Variants in MBNL1 observed in about 807,000 individuals in gnomAD.
MBNL1 encodes the protein muscleblind-like protein 1.
In MBNL1, 8 loss-of-function variants were observed where a neutral mutation model predicts 42.2. That is an observed-to-expected ratio of 0.19 (90% confidence interval 0.11 to 0.34). The LOEUF (loss-of-function observed/expected upper bound fraction) is 0.34, where lower values mean the gene tolerates loss of function less well. Among genes scored for constraint, MBNL1 ranks in the 10% least tolerant of loss-of-function variants. The probability of loss-of-function intolerance (pLI) is 1.00; values close to 1 mark genes in which losing one functional copy is unlikely to be tolerated. For synonymous variants in MBNL1, 169 were observed against 173.9 expected, an observed-to-expected ratio of 0.97 and a Z score of 0.22; for missense variants, 309 against 495.3, an observed-to-expected ratio of 0.62 and a Z score of 3.57.
At chr3:152,268,796 G>A (rs1325042106), upstream of MBNL1, 4 of 451,638 alleles carry the variant, frequency 8.9e-6, no homozygotes, top group Admixed American at 2.4e-5. Flanking sequence ...CGTTTTTCTC[G>A]CCGCCGCGTG....
At position 152,415,067 on chromosome 3, in the gene MBNL1, C is replaced by G; in HGVS notation, c.301C>G (p.Gln101Glu). The G allele has an allele frequency of 6.2e-7, 1 of 1,608,306 alleles. No homozygotes were observed. ...CATGGCCATGTTGGCCCAGCAAATG[C>G]AACTAGCCAATGCCATGATGCCTGG... ...KNMAMLAQQMQLANAMMPGAP... is the reference protein window; with the variant it reads ...KNMAMLAQQMELANAMMPGAP... Residue 101 changes from glutamine (Q) to glutamate (E), a missense_variant, in exon 3 of 10, where the codon CAA becomes GAA. By Grantham distance (29) the Gln-to-Glu change is conservative. Coordinates refer to ENST00000324210, the MANE Select transcript of MBNL1 (RefSeq NM_021038.5).
intron 2 of MBNL1, among the ~76,000 whole-genome samples, chr3:152,335,942 A>G (rs1179809252): frequency 2.0e-5 from 3 of 151,736 alleles, no homozygotes; most frequent in African/African-American, 7.3e-5. Flanking sequence ...CCTCTCCTCA[A>G]CTCTTCTTTT....
chr3:152,316,195 G>A (rs1253045539), intron 2 of MBNL1, among the ~76,000 whole-genome samples: 1 of 152,204 alleles, frequency 6.6e-6, no homozygotes, highest in Non-Finnish European at 1.5e-5. Flanking sequence ...TTTGAAGAAT[G>A]AGGGAGCATA....
At chr3:152,340,501 T>G in intron 2 of MBNL1, 2 of 1,560,544 alleles carry the variant, frequency 1.3e-6, no homozygotes, top group South Asian at 2.5e-5. Flanking sequence ...CAGAGTATAT[T>G]AAAAATAGTG....
chr3:152,386,560 A>G (rs548948012), intron 2 of MBNL1, among the ~76,000 whole-genome samples: 7 of 152,242 alleles, frequency 4.6e-5, no homozygotes, highest in Admixed American at 1.3e-4. Flanking sequence ...AAAGATGTTC[A>G]TGGTCAAGGA....
At chr3:152,438,305 G>T (rs1386214706) in intron 4 of MBNL1, among the ~76,000 whole-genome samples, 1 of 152,164 alleles carries the variant, frequency 6.6e-6, no homozygotes. Context: ...ATCCACATGA[G>T]AATAGTGCCC....
rs186944633 is a variant in MBNL1 at position 152,459,715 on chromosome 3, T to G, written c.*18+370T>G. The stretch of plus-strand genomic sequence containing the variant: ...CGTATCGTTTCTGTTGCAGCTACTC[T>G]CCTCTGCCATTGTATCATGAAAGCA... On this transcript the variant is annotated intron_variant, in intron 9 of 9. Transcript: ENST00000324210. 1.8e-3 allele frequency among the ~76,000 whole-genome samples: 273 copies of G among 152,204 alleles called. 1 individual carries two copies. The highest frequency in any genetic ancestry group is 6.3e-3 in the African/African-American group (262 of 41,538).
intron 2 of MBNL1, among the ~76,000 whole-genome samples, chr3:152,389,601 T>C (rs2097591584): frequency 6.6e-6 from 1 of 152,186 alleles, no homozygotes. Flanking sequence ...AGGGCAATTG[T>C]ATCTCAGTGG....
intron 9 of MBNL1, among the ~76,000 whole-genome samples, chr3:152,461,373 A>G (rs1745511248): frequency 6.6e-6 from 1 of 152,252 alleles, no homozygotes; most frequent in African/African-American, 2.4e-5. Context: ...TTGTAGAAGA[A>G]GAGGCATTAC....
intron 2 of MBNL1, among the ~76,000 whole-genome samples, chr3:152,331,521 T>C (rs532474249): frequency 6.6e-6 from 1 of 152,298 alleles, no homozygotes; most frequent in South Asian, 2.1e-4. Flanking sequence ...AGGAGCTCAC[T>C]GTAACTTCAC....
intron 2 of MBNL1, among the ~76,000 whole-genome samples, chr3:152,354,749 T>C (rs2095383440): frequency 6.6e-6 from 1 of 152,180 alleles, no homozygotes; most frequent in Non-Finnish European, 1.5e-5. Context: ...TTTAATCATG[T>C]TGTAGAATTA....
intron 1 of MBNL1, among the ~76,000 whole-genome samples, chr3:152,293,608 A>G (rs1394665435): frequency 6.6e-6 from 1 of 152,200 alleles, no homozygotes; most frequent in Admixed American, 6.5e-5. Flanking sequence ...CATCTCTTTC[A>G]GTTAGATTGA....
chr3:152,331,999 C>T (rs942126925), intron 2 of MBNL1, among the ~76,000 whole-genome samples: 1 of 152,132 alleles, frequency 6.6e-6, no homozygotes, highest in East Asian at 1.9e-4. Context: ...GCCTTGATAC[C>T]TCTTTAAAAA....
intron 2 of MBNL1, among the ~76,000 whole-genome samples, chr3:152,407,157 T>A (rs751008269): frequency 1.1e-4 from 17 of 151,160 alleles, no homozygotes; most frequent in Non-Finnish European, 1.9e-4. Flanking sequence ...ATGTTTTATA[T>A]CTGTGGTAAA....
At chr3:152,333,103 A>T (rs977077256) in intron 2 of MBNL1, among the ~76,000 whole-genome samples, 2 of 152,166 alleles carry the variant, frequency 1.3e-5, no homozygotes, top group African/African-American at 4.8e-5. Context: ...CCCTGCATGT[A>T]ACTAAATTAA....
intron 2 of MBNL1, among the ~76,000 whole-genome samples, chr3:152,339,521 G>T (rs958390458): frequency 8.6e-5 from 13 of 151,912 alleles, no homozygotes; most frequent in African/African-American, 3.1e-4. Flanking sequence ...AATCTGTGAA[G>T]TGATATTAAG....
chr3:152,445,032 C>T (rs1347839719), intron 4 of MBNL1, among the ~76,000 whole-genome samples: 2 of 152,156 alleles, frequency 1.3e-5, no homozygotes, highest in African/African-American at 4.8e-5. Flanking sequence ...TTTATCAACA[C>T]CATTTCAGAT....
At chr3:152,353,132 C>G (rs2095220673) in intron 2 of MBNL1, among the ~76,000 whole-genome samples, 1 of 152,154 alleles carries the variant, frequency 6.6e-6, no homozygotes. Context: ...GATCAGCGAA[C>G]AAAAACACAC....
At chr3:152,428,475 A>G (rs2098965176) in intron 3 of MBNL1, among the ~76,000 whole-genome samples, 2 of 152,184 alleles carry the variant, frequency 1.3e-5, no homozygotes, top group Admixed American at 6.5e-5. Flanking sequence ...ATCAAGAGAA[A>G]CTTACCTAAA....
Sources: gnomAD v4.1 joint callset for allele counts (sites outside exome capture counted in the v4.1 genomes callset) on GRCh38, gnomAD v4.1.1 for gene constraint, MANE v1.5 for transcripts, NCBI Gene and HGNC (gene_info 2026-07-23, HGNC 2026-07-21) for gene names.